The following CMTM8 variants were observed in gnomAD, a reference collection of about 807,000 sequenced individuals.
CMTM8 encodes CKLF like MARVEL transmembrane domain containing 8, also known as CKLF-like MARVEL transmembrane domain-containing protein 8.
CMTM8 carries 12 observed loss-of-function variants against 18.6 expected under a neutral mutation model. The ratio of observed to expected loss-of-function variants is 0.65; its 90% CI spans 0.41 to 1.05. The LOEUF is 1.05. Ranked by LOEUF, CMTM8 falls within the 50% of genes least tolerant of loss-of-function variation. CMTM8 has a pLI of 0.00. For missense variants in CMTM8, 217 were observed against 227.2 expected, an observed-to-expected ratio of 0.95 and a Z score of 0.29; for synonymous variants, 87 against 90.6, an observed-to-expected ratio of 0.96 and a Z score of 0.23.
At chr3:32,331,216 G>A (rs1696267584) in intron 1 of CMTM8, among the ~76,000 whole-genome samples, 1 of 152,130 alleles carries the variant, frequency 6.6e-6, no homozygotes, top group Non-Finnish European at 1.5e-5. Context: ...ATGGTAATAT[G>A]AGCAATATTA....
intron 1 of CMTM8, among the ~76,000 whole-genome samples, chr3:32,295,417 CTG>C (rs1231784336): frequency 1.7e-5 from 2 of 120,064 alleles, no homozygotes; most frequent in Non-Finnish European, 3.2e-5. Flanking sequence ...GATTGCAACA[CTG>C]TGTTCCAGCC....
intron 1 of CMTM8, among the ~76,000 whole-genome samples, chr3:32,242,533 G>A (rs1424075407): frequency 6.6e-6 from 1 of 152,014 alleles, no homozygotes; most frequent in Non-Finnish European, 1.5e-5. Context: ...TCGCCATGTT[G>A]CTCAGGCTGG....
intron 1 of CMTM8, among the ~76,000 whole-genome samples, chr3:32,266,453 C>A (rs1040173733): frequency 6.6e-6 from 1 of 152,174 alleles, no homozygotes; most frequent in Admixed American, 6.5e-5. Context: ...TGGGACGTAT[C>A]TCAAAATAAT....
intron 1 of CMTM8, among the ~76,000 whole-genome samples, chr3:32,319,074 A>ATATATATAT: frequency 2.5e-4 from 8 of 31,530 alleles, no homozygotes; most frequent in African/African-American, 1.1e-3. Context: ...ATATATATAT[A>ATATATATAT]TTTTTTTTTT....
intron 1 of CMTM8, among the ~76,000 whole-genome samples, chr3:32,350,760 T>A (rs962132986): frequency 7.9e-5 from 12 of 152,084 alleles, no homozygotes; most frequent in African/African-American, 2.7e-4. Context: ...CCTGACCTCG[T>A]GATCCAGCCG....
intron 1 of CMTM8, among the ~76,000 whole-genome samples, chr3:32,300,211 C>T (rs75366745): frequency 0.036 from 5,538 of 152,260 alleles, 195 homozygotes; most frequent in Admixed American, 0.12. Context: ...TGCTAATAGG[C>T]TGAGCGGGGG....
intron 1 of CMTM8, among the ~76,000 whole-genome samples, chr3:32,348,510 TCA>T (rs1696644271): frequency 6.9e-6 from 1 of 145,040 alleles, no homozygotes; most frequent in South Asian, 2.2e-4. Flanking sequence ...TCCATTTTCT[TCA>T]CTCTCTCTTC....
rs33991032 is a variant in CMTM8, at chr3:32,260,668, GT to G, written c.147+21561del. Among the ~76,000 whole-genome samples the G allele has an allele frequency of 7.0e-3, 957 of 136,454 alleles. 5 individuals are homozygous for G. The highest frequency in any genetic ancestry group is 0.016 in the East Asian group (80 of 4,918). 89.5% of individuals were successfully genotyped at this position (136,454 alleles called of 152,430 possible). ...CTATCCCAGCTGTGATTTTTTTAAA[GT>G]TTTTTTTTTTTCCCCCTGTTTTCAC... On this transcript the variant is annotated intron_variant, in intron 1 of 3. Transcript: ENST00000307526.
At chr3:32,300,313 G>T (rs1695589527) in intron 1 of CMTM8, among the ~76,000 whole-genome samples, 1 of 152,194 alleles carries the variant, frequency 6.6e-6, no homozygotes, top group East Asian at 1.9e-4. Context: ...TCTGGAATGG[G>T]GGTCTTATGA....
intron 1 of CMTM8, among the ~76,000 whole-genome samples, chr3:32,282,264 A>C (rs1702619261): frequency 6.6e-6 from 1 of 152,342 alleles, no homozygotes; most frequent in East Asian, 1.9e-4. Flanking sequence ...TCAAAAAATA[A>C]ATTTTAAAGA....
intron 1 of CMTM8, among the ~76,000 whole-genome samples, chr3:32,273,779 C>A (rs1340665664): frequency 5.3e-5 from 8 of 152,056 alleles, no homozygotes; most frequent in African/African-American, 1.9e-4. Flanking sequence ...TAGTTACATA[C>A]CTCTTTGAAT....
intron 1 of CMTM8, among the ~76,000 whole-genome samples, chr3:32,301,797 G>A (rs1322281379): frequency 1.3e-5 from 2 of 152,198 alleles, no homozygotes; most frequent in Non-Finnish European, 2.9e-5. Flanking sequence ...GGCAGGTGAT[G>A]TCAGAGAACA....
At chr3:32,251,639 C>A (rs1234018362) in intron 1 of CMTM8, among the ~76,000 whole-genome samples, 1 of 151,912 alleles carries the variant, frequency 6.6e-6, no homozygotes, top group East Asian at 1.9e-4. Context: ...TATTATTATT[C>A]ATGCCACTTT....
intron 1 of CMTM8, among the ~76,000 whole-genome samples, chr3:32,341,244 T>C (rs980947332): frequency 2.6e-5 from 4 of 152,172 alleles, no homozygotes; most frequent in Admixed American, 2.0e-4. Context: ...TGGATTTGCA[T>C]AGAGGCTTCT....
chr3:32,354,145 A>G (rs1696766685), intron 1 of CMTM8, among the ~76,000 whole-genome samples: 1 of 148,190 alleles, frequency 6.7e-6, no homozygotes, highest in African/African-American at 2.5e-5. Flanking sequence ...TAGTTTTGCC[A>G]TTAAAAAAAA....
intron 1 of CMTM8, among the ~76,000 whole-genome samples, chr3:32,338,354 AT>A (rs748024372): frequency 2.0e-5 from 3 of 152,134 alleles, no homozygotes; most frequent in Non-Finnish European, 2.9e-5. Flanking sequence ...AGTAGTTCTA[AT>A]TACAGGCATG....
intron 1 of CMTM8, among the ~76,000 whole-genome samples, chr3:32,351,873 TA>T (rs1207348430): frequency 6.6e-6 from 1 of 151,968 alleles, no homozygotes; most frequent in Non-Finnish European, 1.5e-5. Flanking sequence ...TTTAAAAATC[TA>T]TCAGGCCAGG....
At chr3:32,282,999 G>A (rs1006264046) in intron 1 of CMTM8, among the ~76,000 whole-genome samples, 31 of 127,294 alleles carry the variant, frequency 2.4e-4, no homozygotes, top group Admixed American at 1.9e-3. Flanking sequence ...GTTACCATCT[G>A]ATGTATGTAC....
chr3:32,293,739 G>A (rs558786041), intron 1 of CMTM8, among the ~76,000 whole-genome samples: 32 of 152,244 alleles, frequency 2.1e-4, no homozygotes, highest in East Asian at 5.8e-4. Flanking sequence ...CCAGCTACTC[G>A]GGAGGCTGAG....
Sources: allele counts gnomAD v4.1 joint callset (sites outside exome capture counted in the v4.1 genomes callset), GRCh38; gene constraint gnomAD v4.1.1; transcripts MANE v1.5; gene names NCBI Gene and HGNC (gene_info 2026-07-23, HGNC 2026-07-21).